CRTC3: variants seen among roughly 807,000 people sequenced by gnomAD.
CRTC3 encodes CREB regulated transcription coactivator 3.
CRTC3 carries 26 observed loss-of-function variants against 74.5 expected under a neutral mutation model. That is an observed-to-expected ratio of 0.35 (90% CI 0.26 to 0.48). The LOEUF (loss-of-function observed/expected upper bound fraction) is 0.48. CRTC3 is among the 20% of genes least tolerant of loss of function. The probability of loss-of-function intolerance (pLI) is 0.99; values close to 1 mark genes in which losing one functional copy is unlikely to be tolerated. For synonymous variants in CRTC3, 377 were observed against 325.8 expected, an observed-to-expected ratio of 1.16 and a Z score of -1.69; for missense variants, 760 against 787.3, an observed-to-expected ratio of 0.97 and a Z score of 0.41.
intron 3 of CRTC3, 26 bp downstream of exon 3, chr15:90,593,781 A>G: frequency 3.2e-6 from 5 of 1,566,268 alleles, no homozygotes; most frequent in Non-Finnish European, 4.4e-6. Flanking sequence ...CTTCAAAGGG[A>G]GTGTGCATTC....
At chr15:90,561,413 A>C (rs1967008215) in intron 2 of CRTC3, among the ~76,000 whole-genome samples, 1 of 152,208 alleles carries the variant, frequency 6.6e-6, no homozygotes. Flanking sequence ...AGACTAGATA[A>C]AAATACTTTT....
At chr15:90,545,400 A>ATTTTT (rs35381855) in intron 2 of CRTC3, among the ~76,000 whole-genome samples, 48 of 137,998 alleles carry the variant, frequency 3.5e-4, no homozygotes, top group African/African-American at 1.3e-3. Context: ...TGTGGTTTTA[A>ATTTTT]TTTTTTTTTT....
chr15:90,575,996 G>GT (rs1343757195), intron 2 of CRTC3, among the ~76,000 whole-genome samples: 1 of 152,200 alleles, frequency 6.6e-6, no homozygotes, highest in Non-Finnish European at 1.5e-5. Flanking sequence ...GTAGAACTAG[G>GT]TTGGAGGAAA....
chr15:90,572,549 T>C (rs1012007421), intron 2 of CRTC3, among the ~76,000 whole-genome samples: 24 of 152,286 alleles, frequency 1.6e-4, no homozygotes, highest in Admixed American at 1.4e-3. Context: ...TTCTTTCATA[T>C]ACTCTTCCCC....
At chr15:90,535,318 T>C (rs1349528466) in intron 1 of CRTC3, among the ~76,000 whole-genome samples, 1 of 152,078 alleles carries the variant, frequency 6.6e-6, no homozygotes, top group African/African-American at 2.4e-5. Context: ...AGTACTCTTA[T>C]GAAGAGGAGG....
intron 9 of CRTC3, among the ~76,000 whole-genome samples, chr15:90,623,704 A>G (rs970888924): frequency 6.6e-6 from 1 of 151,732 alleles, no homozygotes; most frequent in African/African-American, 2.4e-5. Context: ...CCTCTCCCCC[A>G]CCACACTGCC....
intron 2 of CRTC3, among the ~76,000 whole-genome samples, chr15:90,562,984 A>G (rs571632293): frequency 6.6e-6 from 1 of 152,340 alleles, no homozygotes; most frequent in East Asian, 1.9e-4. Flanking sequence ...CTCTCTCAGT[A>G]TCTCTTACTC....
intron 1 of CRTC3, among the ~76,000 whole-genome samples, chr15:90,535,803 C>G (rs1014483828): frequency 1.3e-5 from 2 of 152,144 alleles, no homozygotes; most frequent in African/African-American, 2.4e-5. Flanking sequence ...ATGTTGTTAT[C>G]TCACATAGTC....
At chr15:90,539,017 G>A (rs1966763384) in intron 1 of CRTC3, among the ~76,000 whole-genome samples, 1 of 152,286 alleles carries the variant, frequency 6.6e-6, no homozygotes, top group East Asian at 1.9e-4. Context: ...CCAAGTGTCC[G>A]AGAACAGCAC....
chr15:90,545,741 T>C (rs1307771610), intron 2 of CRTC3, among the ~76,000 whole-genome samples: 2 of 104,678 alleles, frequency 1.9e-5, no homozygotes, highest in Admixed American at 8.7e-5. Context: ...CACGCCCGGG[T>C]AATTTTTTTT....
intron 5 of CRTC3, among the ~76,000 whole-genome samples, chr15:90,606,352 G>A (rs1199710030): frequency 1.4e-4 from 20 of 146,632 alleles, no homozygotes; most frequent in African/African-American, 3.5e-4. Context: ...ACCCGAGGTC[G>A]GGAGTTCGAG....
intron 1 of CRTC3, among the ~76,000 whole-genome samples, chr15:90,538,028 A>AAGGCTTTTGGGTAAGAGTTG (rs1194344929): frequency 6.6e-6 from 1 of 152,196 alleles, no homozygotes; most frequent in Non-Finnish European, 1.5e-5. Context: ...TTGAAGTGTC[A>AAGGCTTTTGGGTAAGAGTTG]AGGCTTTTGG....
At chr15:90,614,993 G>A (rs1968452984) in intron 7 of CRTC3, among the ~76,000 whole-genome samples, 1 of 152,096 alleles carries the variant, frequency 6.6e-6, no homozygotes, top group Non-Finnish European at 1.5e-5. Context: ...GAACACGGGA[G>A]GCGGAGGTTA....
intron 11 of CRTC3, among the ~76,000 whole-genome samples, chr15:90,634,331 T>C (rs6496715): frequency 0.43 from 65,831 of 151,988 alleles, 17,884 homozygotes; most frequent in Non-Finnish European, 0.61. Context: ...CCAGGCTGGT[T>C]TCAAACTCCT....
chr15:90,641,147 G>C lies in CRTC3; in HGVS notation c.1599G>C (p.Leu533Phe). Residue 533 changes from leucine (L) to phenylalanine (F), a missense_variant, in exon 14 of 15, where the codon TTG (leucine) becomes TTC (phenylalanine). Coordinates refer to ENST00000268184, the MANE Select transcript of CRTC3 (RefSeq NM_022769.5). The stretch of plus-strand genomic sequence containing the variant: ...GAGAACTGCAGGACTCTTTTCATTT[G>C]AGACCAAGCCCGTATTCCAACTGCG... ...GSRELQDSFHLRPSPYSNCGS... is the reference protein window; with the variant it reads ...GSRELQDSFHFRPSPYSNCGS... 1.2e-6 allele frequency: 2 copies of C among 1,614,054 alleles called. No individual in the cohort carries two copies. The highest frequency in any genetic ancestry group is 1.7e-6 in the Non-Finnish European group (2 of 1,180,004).
chr15:90,547,630 G>A (rs531906804), intron 2 of CRTC3, among the ~76,000 whole-genome samples: 44 of 152,304 alleles, frequency 2.9e-4, no homozygotes, highest in African/African-American at 1.1e-3. Context: ...GGGGTAGCTA[G>A]GGTTATAGCC....
In CRTC3 at chr15:90,545,786, G is replaced by T. The variant is rs185390632; in HGVS notation, c.231+5649G>T. Among the ~76,000 whole-genome samples, 471 of 152,172 alleles carry T rather than the reference G, an allele frequency of 3.1e-3. 4 individuals are homozygous for T. Among genetic ancestry groups the T allele is most frequent in the Admixed American group, 0.017 (266 of 15,290 alleles). Reference sequence around the variant, plus strand: ...GTAGAGACGGGGTTTCACTGTGTTAGCCAGGATGGTCTCCATCTCCTGACT... The same window carrying T: ...GTAGAGACGGGGTTTCACTGTGTTATCCAGGATGGTCTCCATCTCCTGACT... On this transcript the variant is annotated intron_variant, in intron 2 of 14. Coordinates refer to ENST00000268184, the MANE Select transcript of CRTC3 (RefSeq NM_022769.5).
At chr15:90,635,136 T>A in intron 11 of CRTC3, 1 of 594,900 alleles carries the variant, frequency 1.7e-6, no homozygotes, top group Non-Finnish European at 3.0e-6. Flanking sequence ...TATAATAAAC[T>A]AATGATAACT....
intron 2 of CRTC3, among the ~76,000 whole-genome samples, chr15:90,554,092 G>A (rs28480225): frequency 0.023 from 3,455 of 152,176 alleles, 136 homozygotes; most frequent in African/African-American, 0.078. Flanking sequence ...CTGTAAAATG[G>A]GCATAGTTCT....
Sources: gnomAD v4.1 joint callset for allele counts (sites outside exome capture counted in the v4.1 genomes callset) on GRCh38, gnomAD v4.1.1 for gene constraint, MANE v1.5 for transcripts, NCBI Gene and HGNC (gene_info 2026-07-23, HGNC 2026-07-21) for gene names.